L3MBTL3: variants seen among roughly 807,000 people sequenced by gnomAD.
L3MBTL3 encodes the protein lethal(3)malignant brain tumor-like protein 3.
A neutral mutation model predicts 102.3 loss-of-function variants in L3MBTL3; 27 were observed. The ratio of observed to expected loss-of-function variants is 0.26; its 90% CI spans 0.19 to 0.36. The LOEUF is 0.36. L3MBTL3 is among the 10% of genes least tolerant of loss of function. The probability of loss-of-function intolerance (pLI) is 1.00; values close to 1 mark genes in which losing one functional copy is unlikely to be tolerated. For synonymous variants in L3MBTL3, 340 were observed against 320.9 expected (o/e 1.06, Z -0.64); for missense variants, 798 against 955.3 (o/e 0.84, Z 2.17).
chr6:130,073,419 G>A lies in L3MBTL3; in HGVS notation c.1244+2292G>A, dbSNP rs373736175. Among the ~76,000 whole-genome samples, 14 of 152,220 alleles carry A rather than the reference G, an allele frequency of 9.2e-5. No individual in the cohort carries two copies. The East Asian group carries it at 2.1e-3, about 23-fold the overall frequency. On this transcript the variant is annotated intron_variant, in intron 13 of 22. Transcript: ENST00000361794. ...TACTAGGGCGATAACTGGGCTCCAG[G>A]CCTTTTCTTAATAAATAACGCTAAA...
At chr6:130,074,857 G>A (rs958095588) in intron 13 of L3MBTL3, among the ~76,000 whole-genome samples, 2 of 152,164 alleles carry the variant, frequency 1.3e-5, no homozygotes, top group African/African-American at 2.4e-5. Flanking sequence ...AAAAAGAAAA[G>A]GGTTATTAGT....
chr6:130,084,707 A>G (rs1248143276), intron 15 of L3MBTL3, among the ~76,000 whole-genome samples: 1 of 152,260 alleles, frequency 6.6e-6, no homozygotes, highest in Admixed American at 6.5e-5. Flanking sequence ...AAAATTACAT[A>G]CAGATCAGCC....
Position 130,133,277 on chromosome 6 carries a change from T to G in L3MBTL3, c.1967-175T>G. 1 of 587,812 alleles carries G rather than the reference T, an allele frequency of 1.7e-6. No homozygotes were observed. Among genetic ancestry groups the G allele is most frequent in the Middle Eastern group, 4.6e-4 (1 of 2,188 alleles). 36.4% of individuals were successfully genotyped at this position (587,812 alleles called of 1,614,324 possible). A position where few individuals can be genotyped will look rare whatever the true frequency, so the allele number is the denominator to read the frequency against. The stretch of plus-strand genomic sequence containing the variant: ...GATATCAGTTGAATTTACAGGTTGT[T>G]TTTTATAGTGACCTTCAGTAAAGAC... On this transcript the variant is annotated intron_variant, in intron 20 of 22. Coordinates refer to ENST00000361794, the MANE Select transcript of L3MBTL3 (RefSeq NM_032438.4). The surrounding 1 kb of genome is among the most constrained non-coding windows in gnomAD (Gnocchi z 4.9).
chr6:130,049,598 C>A, intron 4 of L3MBTL3, 158 bp from the exon 5 acceptor site: 1 of 817,240 alleles, frequency 1.2e-6, no homozygotes, highest in Non-Finnish European at 2.0e-6. Context: ...GTCCTAATGC[C>A]AGATCTGTAG....
At chr6:130,102,555 A>C (rs969079600) in intron 18 of L3MBTL3, among the ~76,000 whole-genome samples, 1 of 152,162 alleles carries the variant, frequency 6.6e-6, no homozygotes, top group Non-Finnish European at 1.5e-5. Context: ...TAAAAATATA[A>C]AGTCCTGACT....
chr6:130,081,031 T>G (rs1030921870), intron 14 of L3MBTL3, among the ~76,000 whole-genome samples: 1 of 152,262 alleles, frequency 6.6e-6, no homozygotes, highest in African/African-American at 2.4e-5. Flanking sequence ...CTTCACAGAT[T>G]TCTGCATCCA....
chr6:130,072,596 AGCAGCCCTGCT>A (rs1267682607), intron 13 of L3MBTL3, among the ~76,000 whole-genome samples: 1 of 152,244 alleles, frequency 6.6e-6, no homozygotes, highest in Non-Finnish European at 1.5e-5. Context: ...AGAATAATAG[AGCAGCCCTGCT>A]GCAACCTTTA....
chr6:130,130,678 G>A lies in L3MBTL3; in HGVS notation c.1967-2774G>A, dbSNP rs144133509. ...TAATAGATATTCAATAAAATGGGATGAGGACCTGCACCTTTGAGGTTGATT... is the reference window on the plus strand; with the variant it reads ...TAATAGATATTCAATAAAATGGGATAAGGACCTGCACCTTTGAGGTTGATT... On this transcript the variant is annotated intron_variant, in intron 20 of 22. Transcript: ENST00000361794. 2.5e-4 allele frequency among the ~76,000 whole-genome samples: 38 copies of A among 152,320 alleles called. No individual in the cohort carries two copies. The East Asian group carries it at 5.0e-3, about 20-fold the overall frequency.
chr6:130,131,223 C>T (rs575352823), intron 20 of L3MBTL3, among the ~76,000 whole-genome samples: 1 of 152,108 alleles, frequency 6.6e-6, no homozygotes, highest in East Asian at 1.9e-4. Flanking sequence ...AAGAGCCTCT[C>T]TATGTGGACA....
chr6:130,113,795 G>A (rs1463208560), intron 19 of L3MBTL3, among the ~76,000 whole-genome samples: 1 of 152,200 alleles, frequency 6.6e-6, no homozygotes, highest in African/African-American at 2.4e-5. Flanking sequence ...ACCGAAAGCC[G>A]AGTCTGTACC....
At chr6:130,073,461 A>G (rs143680555) in intron 13 of L3MBTL3, among the ~76,000 whole-genome samples, 1,550 of 152,264 alleles carry the variant, frequency 0.01, 27 homozygotes, top group African/African-American at 0.035. Flanking sequence ...ACTAGAATCT[A>G]TTGAAATGAG....
intron 18 of L3MBTL3, among the ~76,000 whole-genome samples, chr6:130,094,644 T>C (rs1784254304): frequency 6.6e-6 from 1 of 152,086 alleles, no homozygotes; most frequent in Non-Finnish European, 1.5e-5. Context: ...TCTGCAGTAG[T>C]TATTTTGCAT....
chr6:130,136,044 C>T (rs1787618833), intron 22 of L3MBTL3, among the ~76,000 whole-genome samples: 1 of 152,214 alleles, frequency 6.6e-6, no homozygotes, highest in African/African-American at 2.4e-5. Context: ...TGTTGAAAAT[C>T]CTATTGGGTG....
Position 130,049,942 on chromosome 6 carries a change from T to C in L3MBTL3, c.289+112T>C, listed in dbSNP as rs1780988190. The C allele has an allele frequency of 2.3e-6, 3 of 1,325,622 alleles. No homozygotes were observed. The Admixed American group carries it at 8.4e-5, about 37-fold the overall frequency. The allele number at this position is 1,325,622 out of a possible 1,614,324, so 82.1% of individuals were successfully genotyped here. On this transcript the variant is annotated intron_variant, in intron 5 of 22. Coordinates refer to ENST00000361794, the MANE Select transcript of L3MBTL3 (RefSeq NM_032438.4). ...CATATTTCAGTTGACAATAGCACCA[T>C]CCACCCAGTGGACAAGCAAGAAACA...
chr6:130,064,935 G>A (rs1782151236), intron 10 of L3MBTL3, among the ~76,000 whole-genome samples: 1 of 152,080 alleles, frequency 6.6e-6, no homozygotes, highest in Non-Finnish European at 1.5e-5. Context: ...TCTTAGGATC[G>A]GCCAGATATA....
At chr6:130,073,743 A>AAAAAAGATCCTGGATTCT (rs1254894938) in intron 13 of L3MBTL3, among the ~76,000 whole-genome samples, 2 of 152,120 alleles carry the variant, frequency 1.3e-5, no homozygotes, top group Non-Finnish European at 2.9e-5. Flanking sequence ...CCTGGGTTCT[A>AAAAAAGATCCTGGATTCT]AAAAAGATCC....
intron 19 of L3MBTL3, among the ~76,000 whole-genome samples, chr6:130,112,924 G>A (rs1785445216): frequency 6.6e-6 from 1 of 152,156 alleles, no homozygotes; most frequent in African/African-American, 2.4e-5. Context: ...TTGTGCCAGT[G>A]CTTGCTGTGA....
At chr6:130,029,260 A>G (rs748362737) in intron 2 of L3MBTL3, among the ~76,000 whole-genome samples, 1 of 152,062 alleles carries the variant, frequency 6.6e-6, no homozygotes, top group Admixed American at 6.5e-5. Flanking sequence ...ATAGAGAAAC[A>G]CTCCCACTGT....
At chr6:130,019,227 G>A (rs1301973723) in intron 1 of L3MBTL3, 1 of 145,296 alleles carries the variant, frequency 6.9e-6, no homozygotes, top group African/African-American at 2.5e-5. Context: ...GCGGCGCCGG[G>A]CTCCACCGGG....
Sources: allele counts gnomAD v4.1 joint callset (sites outside exome capture counted in the v4.1 genomes callset), GRCh38; gene constraint gnomAD v4.1.1; non-coding constraint Gnocchi (gnomAD v3.1); transcripts MANE v1.5; gene names NCBI Gene and HGNC (gene_info 2026-07-23, HGNC 2026-07-21).